PRKN: variants seen among roughly 807,000 people sequenced by gnomAD.
PRKN encodes the protein E3 ubiquitin-protein ligase parkin.
Under a neutral mutation model 59.5 loss-of-function variants are expected in PRKN, and 56 were observed. The ratio of observed to expected loss-of-function variants is 0.94; its 90% CI spans 0.76 to 1.18. The LOEUF (loss-of-function observed/expected upper bound fraction) is 1.18. PRKN is among the 50% of genes most tolerant of loss of function. PRKN has a pLI of 0.00. For missense variants in PRKN, 657 were observed against 596.4 expected, an observed-to-expected ratio of 1.10 and a Z score of -1.06; for synonymous variants, 250 against 222.1, an observed-to-expected ratio of 1.13 and a Z score of -1.12.
intron 4 of PRKN, among the ~76,000 whole-genome samples, chr6:162,075,659 T>C (rs1344121700): frequency 6.6e-6 from 1 of 151,836 alleles, no homozygotes; most frequent in Non-Finnish European, 1.5e-5. Context: ...TTTGGAGTGG[T>C]GGAGGTGAGA....
intron 7 of PRKN, among the ~76,000 whole-genome samples, chr6:161,630,096 C>T (rs1249858770): frequency 6.6e-6 from 1 of 152,120 alleles, no homozygotes; most frequent in Non-Finnish European, 1.5e-5. Flanking sequence ...TTTCAATTTT[C>T]AATTTGATTG....
chr6:162,557,616 C>G (rs967504956), intron 1 of PRKN, among the ~76,000 whole-genome samples: 3 of 152,192 alleles, frequency 2.0e-5, no homozygotes, highest in African/African-American at 7.2e-5. Context: ...TCAAGTAATT[C>G]TTATGCCTCA....
At chr6:162,480,447 T>C (rs554322689) in intron 1 of PRKN, among the ~76,000 whole-genome samples, 4 of 152,184 alleles carry the variant, frequency 2.6e-5, no homozygotes, top group African/African-American at 9.6e-5. Flanking sequence ...GAAGATGACA[T>C]GGAAGTAAGT....
intron 7 of PRKN, among the ~76,000 whole-genome samples, chr6:161,707,481 C>A (rs6942285): frequency 3.3e-5 from 5 of 151,896 alleles, no homozygotes; most frequent in East Asian, 1.9e-4. Flanking sequence ...ATATGGACAC[C>A]CACACATATG....
intron 1 of PRKN, among the ~76,000 whole-genome samples, chr6:162,708,650 C>T (rs993450373): frequency 6.6e-6 from 1 of 152,168 alleles, no homozygotes. Context: ...AACTCAAAGG[C>T]CAAAAATCTA....
At chr6:162,643,685 C>T (rs1778056849) in intron 1 of PRKN, among the ~76,000 whole-genome samples, 2 of 152,072 alleles carry the variant, frequency 1.3e-5, no homozygotes, top group Admixed American at 1.3e-4. Flanking sequence ...ATATTAATTT[C>T]ATGTTTATTT....
rs1036849570 is a variant in PRKN at position 161,584,827 on chromosome 6, G to A, written c.872-15411C>T. On this transcript the variant is annotated intron_variant, in intron 7 of 11. Transcript: ENST00000366898. This position sits in a 1 kb window ranked among gnomAD's most constrained non-coding sequence, Gnocchi z 4.8. Reference sequence around the variant, plus strand: ...ATTGCGGGATGAGTCTCTGTGCAGCGATTTTTCAGCATGTCAAAATTATAC... The same window carrying A: ...ATTGCGGGATGAGTCTCTGTGCAGCAATTTTTCAGCATGTCAAAATTATAC... Among the ~76,000 whole-genome samples, 2 of 152,110 alleles carry A rather than the reference G, an allele frequency of 1.3e-5. No homozygotes were observed. The highest frequency in any genetic ancestry group is 2.9e-5 in the Non-Finnish European group (2 of 68,032).
chr6:162,329,585 T>A (rs549159663), intron 2 of PRKN, among the ~76,000 whole-genome samples: 1 of 152,106 alleles, frequency 6.6e-6, no homozygotes, highest in African/African-American at 2.4e-5. Flanking sequence ...TGCATGAAAT[T>A]TATCTTCATG....
intron 2 of PRKN, among the ~76,000 whole-genome samples, chr6:162,368,114 G>A (rs1419322142): frequency 6.6e-6 from 1 of 152,174 alleles, no homozygotes; most frequent in African/African-American, 2.4e-5. Context: ...AAGGGCATCT[G>A]GGAAATACAG....
intron 2 of PRKN, among the ~76,000 whole-genome samples, chr6:162,291,859 A>G (rs1781443275): frequency 6.6e-6 from 1 of 152,056 alleles, no homozygotes; most frequent in Non-Finnish European, 1.5e-5. Context: ...GACAAACAAG[A>G]TGTTCTAATA....
chr6:161,902,256 C>T lies in PRKN; in HGVS notation c.734+71046G>A, dbSNP rs1008904259. Among the ~76,000 whole-genome samples, 3 of 152,108 alleles carry T rather than the reference C, an allele frequency of 2.0e-5. No homozygotes were observed. In the East Asian group the frequency reaches 5.8e-4, roughly 30 times the overall value. Reference sequence around the variant, plus strand: ...CTCTGTGAGCATGGTCTGCTTCATCCCACTTGCAAGATGTCAAAACGTCAC... The same window carrying T: ...CTCTGTGAGCATGGTCTGCTTCATCTCACTTGCAAGATGTCAAAACGTCAC... On this transcript the variant is annotated intron_variant, in intron 6 of 11. Transcript: ENST00000366898.
At chr6:162,514,926 T>C (rs895403617) in intron 1 of PRKN, among the ~76,000 whole-genome samples, 11 of 150,686 alleles carry the variant, frequency 7.3e-5, no homozygotes, top group African/African-American at 2.4e-4. Flanking sequence ...TGTAATATTA[T>C]ATTGCAGACA....
chr6:161,637,418 C>A (rs1783565769), intron 7 of PRKN, among the ~76,000 whole-genome samples: 1 of 148,702 alleles, frequency 6.7e-6, no homozygotes. Context: ...CTTTTTATTC[C>A]TGTGGCAAAA....
chr6:161,919,535 T>G (rs1778701515), intron 6 of PRKN, among the ~76,000 whole-genome samples: 1 of 152,242 alleles, frequency 6.6e-6, no homozygotes. Context: ...TGGAATTCAG[T>G]AAGAACATAG....
intron 5 of PRKN, among the ~76,000 whole-genome samples, chr6:162,047,542 C>T (rs1784298256): frequency 6.6e-6 from 1 of 150,556 alleles, no homozygotes. Flanking sequence ...TATTAGACAC[C>T]AGAAAAAAAA....
At chr6:161,817,332 C>CTCT (rs1202006744) in intron 6 of PRKN, among the ~76,000 whole-genome samples, 5 of 152,208 alleles carry the variant, frequency 3.3e-5, no homozygotes, top group African/African-American at 1.2e-4. Context: ...AAGTAGCCCC[C>CTCT]TCAGAACTGG....
chr6:162,336,867 A>C (rs1304624573), intron 2 of PRKN, among the ~76,000 whole-genome samples: 3 of 152,204 alleles, frequency 2.0e-5, no homozygotes, highest in African/African-American at 7.2e-5. Context: ...AAATGTGAGA[A>C]GCAGTGCTCT....
chr6:162,713,493 C>CAAA (rs373942233), intron 1 of PRKN, among the ~76,000 whole-genome samples: 3,763 of 79,160 alleles, frequency 0.048, 331 homozygotes, highest in African/African-American at 0.16. Flanking sequence ...GACTCCACCT[C>CAAA]AAAAAAAAAA....
chr6:162,345,431 T>C (rs1212035914), intron 2 of PRKN, among the ~76,000 whole-genome samples: 1 of 152,202 alleles, frequency 6.6e-6, no homozygotes, highest in East Asian at 1.9e-4. Flanking sequence ...GCTGATTGCA[T>C]ATTGTGGTGA....
Sources: gnomAD v4.1 joint callset for allele counts (sites outside exome capture counted in the v4.1 genomes callset) on GRCh38, gnomAD v4.1.1 for gene constraint, Gnocchi (gnomAD v3.1) non-coding constraint, MANE v1.5 for transcripts, NCBI Gene and HGNC (gene_info 2026-07-23, HGNC 2026-07-21) for gene names.